Variants in GALR1 observed in about 807,000 individuals in gnomAD.
GALR1 encodes the protein galanin receptor 1.
GALR1 carries 11 observed loss-of-function variants against 17.9 expected under a neutral mutation model. The observed-to-expected ratio is 0.62, with a 90% CI of 0.39 to 1.02. The LOEUF (loss-of-function observed/expected upper bound fraction) is 1.02, where lower values mean the gene tolerates loss of function less well. Among genes scored for constraint, GALR1 ranks in the 50% least tolerant of loss-of-function variants. GALR1 has a pLI of 0.01. For missense variants in GALR1, 441 were observed against 456.9 expected (o/e 0.97, Z 0.32); for synonymous variants, 206 against 205.7 (o/e 1.00, Z -0.01).
At position 77,273,679 on chromosome 18, in the gene GALR1, G is replaced by C. The variant is rs1913104082; in HGVS notation, c.*4777G>C. ...AAAAAAAAAGAAGGTGGCCAGTGAG[G>C]GTTTTATCTTTGTATTCACTGGAAA... On this transcript the variant is annotated 3_prime_UTR_variant, in exon 3 of 3. Transcript: ENST00000299727. 1 of 151,934 alleles carries C rather than the reference G, an allele frequency of 6.6e-6. No homozygotes were observed. The highest frequency in any genetic ancestry group is 2.1e-4 in the South Asian group (1 of 4,818). 9.4% of individuals were successfully genotyped at this position (151,934 alleles called of 1,614,324 possible).
intron 2 of GALR1, among the ~76,000 whole-genome samples, chr18:77,263,583 A>G (rs149181264): frequency 2.0e-5 from 3 of 152,244 alleles, no homozygotes; most frequent in South Asian, 2.1e-4. Context: ...GCCTCTCGAT[A>G]GGGAGCTTAA....
rs1391206414 is a variant in GALR1, at chr18:77,271,264, C to G, written c.*2362C>G. The G allele has an allele frequency of 1.4e-5, 2 of 138,860 alleles. No homozygotes were observed. Among genetic ancestry groups the G allele is most frequent in the Non-Finnish European group, 3.1e-5 (2 of 65,344 alleles). The allele number at this position is 138,860 out of a possible 1,614,324, so 8.6% of individuals were successfully genotyped here. A position where few individuals can be genotyped will look rare whatever the true frequency, so the allele number is the denominator to read the frequency against. On this transcript the variant is annotated 3_prime_UTR_variant, in exon 3 of 3. Coordinates refer to ENST00000299727, the MANE Select transcript of GALR1 (RefSeq NM_001480.4). ...GCTTGAAACCCCCCCCCCCCCGCCA[C>G]TTTGCTAAATGTAAATGCTAATTGT... is the stretch of plus-strand genomic sequence containing the variant.
intron 2 of GALR1, among the ~76,000 whole-genome samples, chr18:77,258,697 T>TG (rs1212341160): frequency 1.7e-4 from 3 of 17,412 alleles, no homozygotes; most frequent in Non-Finnish European, 4.6e-4. Context: ...ATGGTGGTGG[T>TG]GGTCATGTGA....
rs1171228218 is a variant in GALR1 at position 77,270,116 on chromosome 18, A to G, written c.*1214A>G. 1 of 152,256 alleles carries G rather than the reference A, an allele frequency of 6.6e-6. No individual in the cohort carries two copies. The highest frequency in any genetic ancestry group is 6.5e-5 in the Admixed American group (1 of 15,286). 9.4% of individuals were successfully genotyped at this position (152,256 alleles called of 1,614,324 possible). ...GTTTACAATGAGAAAATGGCATGAA[A>G]ATATTAAATTGTCTTGTATCGGAAA... On this transcript the variant is annotated 3_prime_UTR_variant, in exon 3 of 3. Coordinates refer to ENST00000299727, the MANE Select transcript of GALR1 (RefSeq NM_001480.4).
Position 77,250,403 on chromosome 18 carries a change from C to T in GALR1, c.-146C>T. On this transcript the variant is annotated 5_prime_UTR_variant, in exon 1 of 3. Transcript: ENST00000299727. ...GGCACGGCCACCGGATCCCCGCTCC[C>T]GCTGGCTCGCGCCTCGGGGGAAGCT... 1 of 867,432 alleles carries T rather than the reference C, an allele frequency of 1.2e-6. No homozygotes were observed. The allele number at this position is 867,432 out of a possible 1,614,324, so 53.7% of individuals were successfully genotyped here.
rs538579417 is a variant in GALR1, at chr18:77,251,759, G to T, written c.666+545G>T. 2.0e-4 allele frequency among the ~76,000 whole-genome samples: 30 copies of T among 152,284 alleles called. No homozygotes were observed. In the East Asian group the frequency reaches 5.4e-3, roughly 28 times the overall value. ...GCTCTCAGCTGGCCGTGGCGGGGGGGACTCGCGGGGCGGCCCCTCTCCCCC... is the reference window on the plus strand; with the variant it reads ...GCTCTCAGCTGGCCGTGGCGGGGGGTACTCGCGGGGCGGCCCCTCTCCCCC... On this transcript the variant is annotated intron_variant, in intron 1 of 2. Coordinates refer to ENST00000299727, the MANE Select transcript of GALR1 (RefSeq NM_001480.4).
rs779826907 is a variant in GALR1, at chr18:77,268,896, T to A, written c.1044T>A (p.His348Gln). Residue 348 changes from histidine to glutamine, a missense_variant, in exon 3 of 3, where the codon CAT (histidine) becomes CAA (glutamine). Transcript: ENST00000299727. ...CCCCACCATCAACCAATTGTACTCATGTGTGATAAAAGATAGAGTATCCTT... is the reference window on the plus strand; with the variant it reads ...CCCCACCATCAACCAATTGTACTCAAGTGTGATAAAAGATAGAGTATCCTT... The part of the protein sequence containing the change: ...IDTPPSTNCT[H>Q]V 4.4e-6 allele frequency: 7 copies of A among 1,606,810 alleles called. No homozygotes were observed. The Admixed American group carries it at 1.2e-4, about 27-fold the overall frequency.
chr18:77,261,243 AT>A (rs560147558), intron 2 of GALR1, among the ~76,000 whole-genome samples: 27 of 152,224 alleles, frequency 1.8e-4, no homozygotes, highest in Non-Finnish European at 8.8e-5. Flanking sequence ...TTGTATAAAG[AT>A]TTAGCACATA....
In GALR1 at chr18:77,258,842, ATGGTGGTGG is replaced by A. The variant is rs879011628; in HGVS notation, c.732+2622_732+2630del. On this transcript the variant is annotated intron_variant, in intron 2 of 2. Coordinates refer to ENST00000299727, the MANE Select transcript of GALR1 (RefSeq NM_001480.4). ...GGTGGTGGTGCTGGTGATGGTGGTG[ATGGTGGTGG>A]TGATGGTGGTGGTGATGGTGGTGAT... Among the ~76,000 whole-genome samples the A allele has an allele frequency of 2.4e-3, 10 of 4,196 alleles. 2 individuals are homozygous for A. The highest frequency in any genetic ancestry group is 6.1e-3 in the African/African-American group (8 of 1,320). The allele number at this position is 4,196 out of a possible 152,430, so 2.8% of individuals were successfully genotyped here.
At chr18:77,256,094 T>C (rs1239068326) in intron 1 of GALR1, 64 bp from the exon 2 acceptor site, 13 of 821,840 alleles carry the variant, frequency 1.6e-5, no homozygotes, top group Middle Eastern at 2.3e-4. Context: ...TAATTGTTAA[T>C]GCAACATAGG....
At chr18:77,255,228 C>T (rs1912559335) in intron 1 of GALR1, among the ~76,000 whole-genome samples, 1 of 152,178 alleles carries the variant, frequency 6.6e-6, no homozygotes, top group Non-Finnish European at 1.5e-5. Context: ...TAGCAATGAA[C>T]TTAAGTGACA....
rs1231162878 is a variant in GALR1, at chr18:77,259,139, GTCA to G, written c.732+2918_732+2920del. 7.2e-4 allele frequency among the ~76,000 whole-genome samples: 4 copies of G among 5,528 alleles called. 2 individuals carry two copies. Among genetic ancestry groups the G allele is most frequent in the East Asian group, 0.077 (2 of 26 alleles). 3.6% of individuals were successfully genotyped at this position (5,528 alleles called of 152,430 possible). ...CACAGTGGTGGTGGTGTTGGTGGTG[GTCA>G]TGGTGGTCATGGTGGTGATGATGGT... On this transcript the variant is annotated intron_variant, in intron 2 of 2. Transcript: ENST00000299727.
chr18:77,266,151 A>C (rs755521623), intron 2 of GALR1, among the ~76,000 whole-genome samples: 1 of 152,068 alleles, frequency 6.6e-6, no homozygotes, highest in Non-Finnish European at 1.5e-5. Flanking sequence ...CATCTCTCTC[A>C]AGTTCAAAGT....
chr18:77,263,940 G>A (rs757618560), intron 2 of GALR1, among the ~76,000 whole-genome samples: 25 of 151,832 alleles, frequency 1.6e-4, no homozygotes, highest in Non-Finnish European at 3.5e-4. Context: ...TTTGAGACTA[G>A]CCTGACCAAT....
Position 77,270,107 on chromosome 18 carries a change from T to A in GALR1, c.*1205T>A, listed in dbSNP as rs1038779628. 2.6e-5 allele frequency: 4 copies of A among 152,218 alleles called. No homozygotes were observed. The highest frequency in any genetic ancestry group is 9.6e-5 in the African/African-American group (4 of 41,466). 9.4% of individuals were successfully genotyped at this position (152,218 alleles called of 1,614,324 possible). ...TTGATGTGTGTTTACAATGAGAAAATGGCATGAAAATATTAAATTGTCTTG... is the reference window on the plus strand; with the variant it reads ...TTGATGTGTGTTTACAATGAGAAAAAGGCATGAAAATATTAAATTGTCTTG... On this transcript the variant is annotated 3_prime_UTR_variant, in exon 3 of 3. Coordinates refer to ENST00000299727, the MANE Select transcript of GALR1 (RefSeq NM_001480.4).
chr18:77,251,341 TG>T (rs1187830737), intron 1 of GALR1, 127 bp downstream of exon 1: 78 of 1,368,470 alleles, frequency 5.7e-5, no homozygotes, highest in Non-Finnish European at 7.4e-5. Flanking sequence ...GTCCCCACTC[TG>T]GCGGCGCTGG....
At chr18:77,251,694 C>T (rs555947187) in intron 1 of GALR1, among the ~76,000 whole-genome samples, 1 of 152,242 alleles carries the variant, frequency 6.6e-6, no homozygotes, top group African/African-American at 2.4e-5. Flanking sequence ...AGAGCGCGGA[C>T]CTTTTGCGAG....
rs1555673520 is a variant in GALR1, at chr18:77,271,248, C to CCG, written c.*2347_*2348insGC. ...AAAAGTAATAGCTTGCGCTTGAAAC[C>CCG]CCCCCCCCCCCGCCACTTTGCTAAA... On this transcript the variant is annotated 3_prime_UTR_variant, in exon 3 of 3. Transcript: ENST00000299727. The CCG allele has an allele frequency of 2.0e-5, 1 of 51,120 alleles. No homozygotes were observed. The highest frequency in any genetic ancestry group is 1.6e-3 in the East Asian group (1 of 624). The allele number at this position is 51,120 out of a possible 1,614,324, so 3.2% of individuals were successfully genotyped here.
intron 2 of GALR1, among the ~76,000 whole-genome samples, chr18:77,257,080 A>G (rs1912607754): frequency 6.6e-6 from 1 of 152,224 alleles, no homozygotes; most frequent in Non-Finnish European, 1.5e-5. Flanking sequence ...ATTATGATCA[A>G]TGACATACCT....
Sources: gnomAD v4.1 joint callset for allele counts (sites outside exome capture counted in the v4.1 genomes callset) on GRCh38, gnomAD v4.1.1 for gene constraint, MANE v1.5 for transcripts, NCBI Gene and HGNC (gene_info 2026-07-23, HGNC 2026-07-21) for gene names.